Variants in IL1RAPL1 observed in about 807,000 individuals in gnomAD.
IL1RAPL1 encodes interleukin-1 receptor accessory protein-like 1.
A neutral mutation model predicts 48.4 loss-of-function variants in IL1RAPL1; 3 were observed. The observed-to-expected ratio is 0.06, with a 90% CI of 0.03 to 0.16. IL1RAPL1 has a LOEUF of 0.16. IL1RAPL1 is among the 10% of genes least tolerant of loss of function. IL1RAPL1 has a pLI of 1.00. For missense variants in IL1RAPL1, 349 were observed against 530.6 expected (o/e 0.66, Z 3.36); for synonymous variants, 185 against 187.7 (o/e 0.99, Z 0.12).
chrX:29,610,934 A>C (rs957553774), intron 5 of IL1RAPL1, among the ~76,000 whole-genome samples: 1 of 112,425 alleles, frequency 8.9e-6, no homozygotes, highest in African/African-American at 3.2e-5. Context: ...TAAGGGGCCT[A>C]GGGAGTCATG....
At chrX:29,861,538 G>A (rs931192257) in intron 6 of IL1RAPL1, among the ~76,000 whole-genome samples, 3 of 110,687 alleles carry the variant, frequency 2.7e-5, no homozygotes, top group African/African-American at 9.9e-5. Flanking sequence ...TGGTAAGACT[G>A]GTAGAAATAT....
chrX:29,456,588 A>G (rs1304128712), intron 5 of IL1RAPL1, among the ~76,000 whole-genome samples: 1 of 111,205 alleles, frequency 9.0e-6, no homozygotes, highest in African/African-American at 3.3e-5. Flanking sequence ...CTAGGTGCAG[A>G]AGATATAATA....
At chrX:29,148,533 C>T (rs1929395128) in intron 2 of IL1RAPL1, among the ~76,000 whole-genome samples, 1 of 111,989 alleles carries the variant, frequency 8.9e-6, no homozygotes, top group Non-Finnish European at 1.9e-5. Flanking sequence ...AATTGAATTT[C>T]TCACGTAACT....
chrX:29,639,518 A>G (rs1016611461), intron 5 of IL1RAPL1, among the ~76,000 whole-genome samples: 1 of 105,878 alleles, frequency 9.4e-6, no homozygotes, highest in Non-Finnish European at 1.9e-5. Flanking sequence ...CTGACTTTTC[A>G]GAGTGGTCTT....
intron 6 of IL1RAPL1, among the ~76,000 whole-genome samples, chrX:29,915,021 C>T (rs183674142): frequency 1.9e-4 from 20 of 107,885 alleles, no homozygotes; most frequent in African/African-American, 5.2e-4. Context: ...TCCGGCTGGA[C>T]GTGGTGGCTC....
intron 2 of IL1RAPL1, among the ~76,000 whole-genome samples, chrX:28,839,525 A>G (rs1169655857): frequency 9.1e-6 from 1 of 110,486 alleles, no homozygotes; most frequent in Non-Finnish European, 1.9e-5. Context: ...AATAATAATT[A>G]CTTTTAATTA....
intron 2 of IL1RAPL1, among the ~76,000 whole-genome samples, chrX:29,127,916 A>G (rs1374958134): frequency 1.8e-5 from 2 of 108,256 alleles, no homozygotes; most frequent in African/African-American, 6.7e-5. Context: ...GTGAGCTGAG[A>G]TTGTGCCACT....
chrX:29,627,015 C>G (rs909845388), intron 5 of IL1RAPL1, among the ~76,000 whole-genome samples: 4 of 111,723 alleles, frequency 3.6e-5, no homozygotes, highest in African/African-American at 1.3e-4. Flanking sequence ...AGAAAAAGAC[C>G]ACAAAAAGTT....
chrX:29,323,713 TTATA>T (rs1172683563), intron 3 of IL1RAPL1, among the ~76,000 whole-genome samples: 1 of 10,954 alleles, frequency 9.1e-5, no homozygotes, highest in Non-Finnish European at 1.6e-4. Context: ...ACTGAATTTT[TTATA>T]TATATATATA....
At chrX:28,721,815 C>T (rs1336497196) in intron 1 of IL1RAPL1, among the ~76,000 whole-genome samples, 1 of 110,979 alleles carries the variant, frequency 9.0e-6, no homozygotes, top group South Asian at 3.8e-4. Flanking sequence ...CTACATATGG[C>T]TAGCCAGTTT....
chrX:29,622,256 T>C (rs1367058843), intron 5 of IL1RAPL1, among the ~76,000 whole-genome samples: 1 of 112,357 alleles, frequency 8.9e-6, no homozygotes, highest in Non-Finnish European at 1.9e-5. Context: ...TTCTCATTCA[T>C]TGACATCACA....
intron 2 of IL1RAPL1, among the ~76,000 whole-genome samples, chrX:29,050,287 C>T (rs775983239): frequency 9.0e-6 from 1 of 111,549 alleles, no homozygotes; most frequent in East Asian, 2.8e-4. Context: ...GCTGTTCTTC[C>T]GATGATTGGA....
chrX:29,452,276 T>C (rs901701186), intron 5 of IL1RAPL1, among the ~76,000 whole-genome samples: 4 of 111,993 alleles, frequency 3.6e-5, no homozygotes, highest in African/African-American at 1.3e-4. Context: ...ATGTTTTAGA[T>C]TAATTTTCTA....
rs7882829 is a variant in IL1RAPL1 at position 28,821,928 on chromosome X, C to T, written c.82+32503C>T. On this transcript the variant is annotated intron_variant, in intron 2 of 10. Coordinates refer to ENST00000378993, the MANE Select transcript of IL1RAPL1 (RefSeq NM_014271.4). ...ACACAGACACAGGGTCGGCTTTAAG[C>T]GTGGTTCATAGTTTGAGTTAGAGGT... Among the ~76,000 whole-genome samples, 864 of 111,169 alleles carry T rather than the reference C, an allele frequency of 7.8e-3. 11 individuals carry two copies. The highest frequency in any genetic ancestry group is 0.027 in the African/African-American group (819 of 30,632).
intron 2 of IL1RAPL1, among the ~76,000 whole-genome samples, chrX:28,942,999 C>T (rs1382394543): frequency 2.7e-5 from 3 of 110,489 alleles, no homozygotes; most frequent in Non-Finnish European, 1.9e-5. Flanking sequence ...CTCCTTAAAA[C>T]TTCTATAGAT....
chrX:29,173,263 T>C (rs1484735745), intron 2 of IL1RAPL1, among the ~76,000 whole-genome samples: 1 of 111,507 alleles, frequency 9.0e-6, no homozygotes, highest in Non-Finnish European at 1.9e-5. Context: ...AAACAGCTAA[T>C]AAAAAAATAA....
At chrX:29,009,298 C>A (rs1336669761) in intron 2 of IL1RAPL1, among the ~76,000 whole-genome samples, 1 of 111,567 alleles carries the variant, frequency 9.0e-6, no homozygotes, top group African/African-American at 3.3e-5. Flanking sequence ...ATCCCAGTGG[C>A]ACACAATTTA....
intron 6 of IL1RAPL1, among the ~76,000 whole-genome samples, chrX:29,783,359 C>T (rs1929407072): frequency 9.0e-6 from 1 of 111,219 alleles, no homozygotes; most frequent in African/African-American, 3.3e-5. Context: ...GAGGAGGGAA[C>T]AAATGAAGTC....
intron 6 of IL1RAPL1, among the ~76,000 whole-genome samples, chrX:29,914,466 C>A (rs1275675030): frequency 9.0e-6 from 1 of 110,929 alleles, no homozygotes; most frequent in African/African-American, 3.3e-5. Context: ...AATTAGGCAA[C>A]ACCTGGAGAT....
Sources: gnomAD v4.1 joint callset for allele counts (sites outside exome capture counted in the v4.1 genomes callset) on GRCh38, gnomAD v4.1.1 for gene constraint, MANE v1.5 for transcripts, NCBI Gene and HGNC (gene_info 2026-07-23, HGNC 2026-07-21) for gene names.